NPIPB11: variants seen among roughly 807,000 people sequenced by gnomAD.
NPIPB11 encodes nuclear pore complex interacting protein family member B11.
A neutral mutation model predicts 32.8 loss-of-function variants in NPIPB11; 17 were observed. The ratio of observed to expected loss-of-function variants is 0.52; its 90% CI spans 0.35 to 0.78. NPIPB11 has a LOEUF of 0.78. Among genes scored for constraint, NPIPB11 ranks in the 30% least tolerant of loss-of-function variants. The pLI, the probability that NPIPB11 is intolerant of heterozygous loss-of-function variation, is 0.01. For missense variants in NPIPB11, 537 were observed against 1,000.4 expected, an observed-to-expected ratio of 0.54 and a Z score of 6.25; for synonymous variants, 209 against 398.4, an observed-to-expected ratio of 0.52 and a Z score of 5.66.
intron 5 of NPIPB11, among the ~76,000 whole-genome samples, chr16:29,389,134 G>A (rs1963643007): frequency 3.3e-5 from 5 of 149,516 alleles, no homozygotes; most frequent in African/African-American, 9.9e-5. Flanking sequence ...GGTGGAGGTT[G>A]CAGTGAGCCA....
chr16:29,403,267 G>A (rs1320629608), intron 2 of NPIPB11, among the ~76,000 whole-genome samples: 4 of 145,054 alleles, frequency 2.8e-5, no homozygotes, highest in East Asian at 2.0e-4. Context: ...TAGTAGGGAC[G>A]AGGTTTTGCC....
chr16:29,400,137 G>T (rs1268727718), intron 2 of NPIPB11, among the ~76,000 whole-genome samples: 2 of 151,280 alleles, frequency 1.3e-5, no homozygotes, highest in African/African-American at 4.9e-5. Flanking sequence ...GAGAGACCAA[G>T]TAAGTGGGGG....
intron 2 of NPIPB11, among the ~76,000 whole-genome samples, chr16:29,394,297 G>T (rs1337902709): frequency 6.6e-6 from 1 of 151,984 alleles, no homozygotes; most frequent in South Asian, 2.1e-4. Flanking sequence ...GTGGGGTGTT[G>T]TCTTTCTTGG....
chr16:29,401,813 C>T (rs928975053), intron 2 of NPIPB11, among the ~76,000 whole-genome samples: 4 of 152,070 alleles, frequency 2.6e-5, no homozygotes, highest in Middle Eastern at 3.4e-3. Flanking sequence ...CCTTTATTCT[C>T]GTGGCAGGAT....
At chr16:29,382,282 G>T in exon 8 of NPIPB11, 1 of 1,602,628 alleles carries the variant, frequency 6.2e-7, no homozygotes, top group Non-Finnish European at 8.5e-7. Context: ...ACCCACAGAC[G>T]CTCCCCGCAG....
intron 2 of NPIPB11, among the ~76,000 whole-genome samples, chr16:29,397,136 A>C (rs1596680687): frequency 6.8e-6 from 1 of 147,536 alleles, no homozygotes; most frequent in African/African-American, 2.5e-5. Flanking sequence ...TTGCCACTGC[A>C]CTCCAGCCTG....
At chr16:29,389,659 C>G (rs1268557167) in intron 5 of NPIPB11, among the ~76,000 whole-genome samples, 1 of 77,564 alleles carries the variant, frequency 1.3e-5, no homozygotes, top group Non-Finnish European at 2.2e-5. Flanking sequence ...CAGCAAAGCT[C>G]CATCTCAGGA....
intron 3 of NPIPB11, among the ~76,000 whole-genome samples, chr16:29,390,798 T>C (rs1963700533): frequency 6.6e-6 from 1 of 151,520 alleles, no homozygotes; most frequent in Non-Finnish European, 1.5e-5. Context: ...ACACTGTCTC[T>C]GCTAAAAATA....
At position 29,395,964 on chromosome 16, in the gene NPIPB11, C is replaced by T. The variant is rs1195118244; in HGVS notation, c.121-1888G>A. Among the ~76,000 whole-genome samples, 5 of 148,738 alleles carry T rather than the reference C, an allele frequency of 3.4e-5. No individual in the cohort carries two copies. In the South Asian group the frequency reaches 6.4e-4, roughly 19 times the overall value. ...CTGCACTTCAGCCTGGGTGACAGAG[C>T]GAGACTCTGTCTCAAAAAAAAAAAA... is the stretch of plus-strand genomic sequence containing the variant. On this transcript the variant is annotated intron_variant, in intron 2 of 7. Transcript: ENST00000524087.
chr16:29,397,087 C>T (rs1280170968), intron 2 of NPIPB11, among the ~76,000 whole-genome samples: 2 of 150,390 alleles, frequency 1.3e-5, no homozygotes, highest in Middle Eastern at 6.8e-3. Context: ...AGGACAATTG[C>T]TTGAACCCCG....
At chr16:29,401,187 C>A (rs1963982458) in intron 2 of NPIPB11, among the ~76,000 whole-genome samples, 1 of 152,118 alleles carries the variant, frequency 6.6e-6, no homozygotes, top group African/African-American at 2.4e-5. Context: ...ACTCTTGAAC[C>A]TGTGCAATCT....
At chr16:29,389,391 A>C (rs907461095) in intron 5 of NPIPB11, among the ~76,000 whole-genome samples, 7 of 109,914 alleles carry the variant, frequency 6.4e-5, no homozygotes, top group African/African-American at 2.0e-4. Flanking sequence ...AAAAAAAAAA[A>C]GGCTGGCTGT....
At chr16:29,405,374 G>A (rs1299351633), upstream of NPIPB11, among the ~76,000 whole-genome samples, 1 of 151,986 alleles carries the variant, frequency 6.6e-6, no homozygotes, top group Non-Finnish European at 1.5e-5. Flanking sequence ...ATGATTCATG[G>A]TCTTGGGGAC....
exon 8 of NPIPB11, chr16:29,383,519 A>C (rs1963549424): frequency 6.6e-7 from 1 of 1,510,444 alleles, no homozygotes; most frequent in South Asian, 1.2e-5. Flanking sequence ...TCTTGAGATT[A>C]TCATCGGCTG....
chr16:29,391,625 C>G (rs934098763), intron 3 of NPIPB11, among the ~76,000 whole-genome samples: 6 of 152,022 alleles, frequency 3.9e-5, no homozygotes, highest in African/African-American at 1.5e-4. Context: ...TTTTAATCTT[C>G]TAAGACATTA....
intron 3 of NPIPB11, among the ~76,000 whole-genome samples, chr16:29,391,585 C>T (rs1217179735): frequency 3.3e-5 from 5 of 151,478 alleles, no homozygotes; most frequent in African/African-American, 9.7e-5. Flanking sequence ...ACTGAATTCC[C>T]ACCAAGATTT....
chr16:29,401,405 T>C (rs4017137), intron 2 of NPIPB11, among the ~76,000 whole-genome samples: 18 of 152,248 alleles, frequency 1.2e-4, no homozygotes, highest in South Asian at 8.3e-4. Flanking sequence ...TGATTACATC[T>C]GACCAAACTG....
chr16:29,391,127 C>G (rs1430276285), intron 3 of NPIPB11, among the ~76,000 whole-genome samples: 1 of 145,798 alleles, frequency 6.9e-6, no homozygotes, highest in South Asian at 2.3e-4. Context: ...ATTAGCTGAG[C>G]ATGGTGATGC....
chr16:29,393,975 G>T (rs1567272980), exon 3 of NPIPB11: 1 of 1,599,286 alleles, frequency 6.3e-7, no homozygotes, highest in Admixed American at 1.7e-5. Context: ...AGAGGGTAAT[G>T]ACAACTTTAT....
Sources: allele counts gnomAD v4.1 joint callset (sites outside exome capture counted in the v4.1 genomes callset), GRCh38; gene constraint gnomAD v4.1.1; transcripts MANE v1.5; gene names NCBI Gene and HGNC (gene_info 2026-07-23, HGNC 2026-07-21).